The following SUGCT variants were observed in gnomAD, a reference collection of about 807,000 sequenced individuals.
SUGCT encodes succinyl-CoA:glutarate CoA-transferase.
A neutral mutation model predicts 55.0 loss-of-function variants in SUGCT; 41 were observed. That is an observed-to-expected ratio of 0.74 (90% confidence interval 0.58 to 0.97). The LOEUF (loss-of-function observed/expected upper bound fraction) is 0.97, where lower values mean the gene tolerates loss of function less well. Ranked by LOEUF, SUGCT falls within the 50% of genes least tolerant of loss-of-function variation. SUGCT has a pLI of 0.00. For missense variants in SUGCT, 568 were observed against 547.8 expected (o/e 1.04, Z -0.37); for synonymous variants, 187 against 200.4 (o/e 0.93, Z 0.56).
chr7:40,437,764 A>C (rs1319467), intron 9 of SUGCT, among the ~76,000 whole-genome samples: 1 of 152,000 alleles, frequency 6.6e-6, no homozygotes, highest in East Asian at 1.9e-4. Flanking sequence ...TCATGGCGGT[A>C]AGTTAAACTT....
At chr7:41,003,775 C>A in the SUGCT span, among the ~76,000 whole-genome samples, 1 of 152,162 alleles carries the variant, frequency 6.6e-6, no homozygotes, top group Non-Finnish European at 1.5e-5. Flanking sequence ...TCCCAGGTAT[C>A]CTTCTTTGTG....
chr7:40,675,982 G>T (rs1783957895), intron 12 of SUGCT, among the ~76,000 whole-genome samples: 1 of 152,196 alleles, frequency 6.6e-6, no homozygotes, highest in South Asian at 2.1e-4. Context: ...GGTGGCTGAG[G>T]CTAGTCACAT....
At chr7:40,940,115 C>A in the SUGCT span, among the ~76,000 whole-genome samples, 6 of 152,092 alleles carry the variant, frequency 3.9e-5, no homozygotes, top group Admixed American at 6.6e-5. Context: ...TTTCCCAGCA[C>A]CATTTATTGA....
intron 12 of SUGCT, among the ~76,000 whole-genome samples, chr7:40,614,866 G>C (rs1010606524): frequency 1.3e-5 from 2 of 151,966 alleles, no homozygotes; most frequent in Non-Finnish European, 2.9e-5. Flanking sequence ...TTGAGACCAG[G>C]CTAACATGGT....
In SUGCT at chr7:40,257,820, G is replaced by A. The variant is rs550576663; in HGVS notation, c.577-16693G>A. 4.6e-5 allele frequency among the ~76,000 whole-genome samples: 7 copies of A among 152,264 alleles called. 1 individual carries two copies. The South Asian group carries it at 1.2e-3, about 27-fold the overall frequency. Reference sequence around the variant, plus strand: ...ACCCGGGAGGTGGAGGTTGTAGTGAGCCGAGATCATGCCACTGTACTCTAG... The same window carrying A: ...ACCCGGGAGGTGGAGGTTGTAGTGAACCGAGATCATGCCACTGTACTCTAG... On this transcript the variant is annotated intron_variant, in intron 7 of 13. Transcript: ENST00000335693.
At chr7:40,938,991 G>T in the SUGCT span, among the ~76,000 whole-genome samples, 32 of 152,250 alleles carry the variant, frequency 2.1e-4, no homozygotes, top group African/African-American at 7.0e-4. Context: ...ATTCATGCAG[G>T]TGTCTTTTTA....
intron 2 of SUGCT, 76 bp from the exon 3 acceptor site, chr7:40,181,879 A>T: frequency 2.2e-6 from 2 of 924,954 alleles, no homozygotes; most frequent in Non-Finnish European, 3.4e-6. Context: ...GTCTGTGTTG[A>T]CGGGTTGTTG....
intron 11 of SUGCT, among the ~76,000 whole-genome samples, chr7:40,487,098 T>C (rs1791409271): frequency 6.8e-6 from 1 of 146,800 alleles, no homozygotes; most frequent in Non-Finnish European, 1.5e-5. Context: ...TTTTTTTTTT[T>C]TTTGACACAG....
At chr7:40,495,811 G>T (rs918925977) in intron 11 of SUGCT, among the ~76,000 whole-genome samples, 1 of 152,174 alleles carries the variant, frequency 6.6e-6, no homozygotes, top group African/African-American at 2.4e-5. Context: ...GTTGTTTGTA[G>T]GCCAATGGTT....
Position 40,370,651 on chromosome 7 carries a change from A to G in SUGCT, c.816+53796A>G, listed in dbSNP as rs569559233. On this transcript the variant is annotated intron_variant, in intron 9 of 13. Transcript: ENST00000335693. ...GAGAGAGAGAGTGGGGGACAGAGAG[A>G]GAGATGGAGACAGAGAGACATTTAA... Among the ~76,000 whole-genome samples, 22 of 151,406 alleles carry G rather than the reference A, an allele frequency of 1.5e-4. No individual in the cohort carries two copies. In the East Asian group the frequency reaches 4.3e-3, roughly 30 times the overall value.
chr7:40,345,342 AT>A (rs1329414839), intron 9 of SUGCT, among the ~76,000 whole-genome samples: 2 of 152,174 alleles, frequency 1.3e-5, no homozygotes, highest in African/African-American at 4.8e-5. Context: ...TGTCACAAAT[AT>A]TTTTATTCTT....
the SUGCT span, among the ~76,000 whole-genome samples, chr7:40,949,573 GT>G: frequency 6.6e-6 from 1 of 152,164 alleles, no homozygotes; most frequent in Non-Finnish European, 1.5e-5. Flanking sequence ...TTCTTCTAGG[GT>G]TTTTATGTTT....
intron 9 of SUGCT, among the ~76,000 whole-genome samples, chr7:40,325,981 A>G (rs1270421623): frequency 7.5e-6 from 1 of 132,522 alleles, no homozygotes; most frequent in Non-Finnish European, 1.5e-5. Flanking sequence ...CAAGTTTATT[A>G]TGATTCTAGT....
At chr7:40,740,072 A>G (rs897161778) in intron 12 of SUGCT, among the ~76,000 whole-genome samples, 4 of 152,092 alleles carry the variant, frequency 2.6e-5, no homozygotes, top group Non-Finnish European at 4.4e-5. Flanking sequence ...TTAGGTCTTG[A>G]TTGATTTCTT....
At chr7:40,227,598 G>A (rs766013965) in intron 6 of SUGCT, among the ~76,000 whole-genome samples, 1 of 151,918 alleles carries the variant, frequency 6.6e-6, no homozygotes, top group Non-Finnish European at 1.5e-5. Flanking sequence ...GCTTCCCAAT[G>A]TCAACTTTAT....
At chr7:40,779,513 G>C (rs1480688567) in intron 13 of SUGCT, among the ~76,000 whole-genome samples, 1 of 152,186 alleles carries the variant, frequency 6.6e-6, no homozygotes, top group African/African-American at 2.4e-5. Flanking sequence ...ACACTGCTAA[G>C]AGTAAGTGGA....
the SUGCT span, among the ~76,000 whole-genome samples, chr7:40,940,740 G>A: frequency 6.6e-6 from 1 of 152,028 alleles, no homozygotes; most frequent in Non-Finnish European, 1.5e-5. Context: ...TGTAACCTGA[G>A]ACTTTATTGA....
chr7:40,459,294 C>A, intron 11 of SUGCT, 96 bp downstream of exon 11: 1 of 780,932 alleles, frequency 1.3e-6, no homozygotes, highest in Non-Finnish European at 2.0e-6. Context: ...TATTTGAGAT[C>A]AATTTGTAAT....
chr7:40,395,660 C>T (rs1785689697), intron 9 of SUGCT, among the ~76,000 whole-genome samples: 1 of 152,050 alleles, frequency 6.6e-6, no homozygotes, highest in African/African-American at 2.4e-5. Context: ...CCACTCAGCT[C>T]AGAAAATGTG....
Sources: gnomAD v4.1 joint callset for allele counts (sites outside exome capture counted in the v4.1 genomes callset) on GRCh38, gnomAD v4.1.1 for gene constraint, MANE v1.5 for transcripts, NCBI Gene and HGNC (gene_info 2026-07-23, HGNC 2026-07-21) for gene names.